The following EDRF1 variants were observed in gnomAD, a reference collection of about 807,000 sequenced individuals.
The protein encoded by EDRF1 is erythroid differentiation regulatory factor 1.
Under a neutral mutation model 148.7 loss-of-function variants are expected in EDRF1, and 69 were observed. That is an observed-to-expected ratio of 0.46 (90% CI 0.38 to 0.57). The LOEUF is 0.57. Ranked by LOEUF, EDRF1 falls within the 20% of genes least tolerant of loss-of-function variation. EDRF1 has a pLI of 0.00. For missense variants in EDRF1, 1,118 were observed against 1,478.7 expected, an observed-to-expected ratio of 0.76 and a Z score of 4.00; for synonymous variants, 515 against 532.8, an observed-to-expected ratio of 0.97 and a Z score of 0.46.
At chr10:125,747,392 TCA>T in intron 19 of EDRF1, 142 bp from the exon 20 acceptor site, 1 of 944,972 alleles carries the variant, frequency 1.1e-6, no homozygotes, top group Admixed American at 2.1e-5. Flanking sequence ...CTTACTTTTT[TCA>T]TTTCCTCATA....
intron 24 of EDRF1, among the ~76,000 whole-genome samples, chr10:125,760,020 G>A (rs995153990): frequency 1.3e-5 from 2 of 152,192 alleles, no homozygotes; most frequent in Non-Finnish European, 2.9e-5. Flanking sequence ...TTATTTGGTT[G>A]TTAATCCACA....
At chr10:125,739,106 A>G (rs1848883418) in intron 15 of EDRF1, among the ~76,000 whole-genome samples, 2 of 151,882 alleles carry the variant, frequency 1.3e-5, no homozygotes, top group Admixed American at 1.3e-4. Context: ...CCCCTTTTAA[A>G]TCAGTTTCAA....
At chr10:125,751,404 G>GTTTTTTTTTTTTTTTT (rs60964364) in intron 22 of EDRF1, among the ~76,000 whole-genome samples, 10 of 140,702 alleles carry the variant, frequency 7.1e-5, no homozygotes, top group Non-Finnish European at 1.1e-4. Context: ...TTTACCCAGT[G>GTTTTTTTTTTTTTTTT]TTTTTTTTTT....
chr10:125,730,836 T>TA (rs1295014782), intron 9 of EDRF1, among the ~76,000 whole-genome samples: 1 of 152,218 alleles, frequency 6.6e-6, no homozygotes. Context: ...AGAAGACACG[T>TA]ATCCCCATTA....
intron 22 of EDRF1, among the ~76,000 whole-genome samples, chr10:125,752,309 G>A (rs535751688): frequency 3.3e-5 from 5 of 152,340 alleles, no homozygotes; most frequent in African/African-American, 1.2e-4. Flanking sequence ...AGGAGCAAAG[G>A]TGTCCTGTAG....
At chr10:125,761,772 G>A (rs956579817) in intron 24 of EDRF1, among the ~76,000 whole-genome samples, 13 of 152,196 alleles carry the variant, frequency 8.5e-5, no homozygotes, top group Admixed American at 5.9e-4. Flanking sequence ...GATCCCTGCA[G>A]CCATCAATTA....
chr10:125,743,244 A>G lies in EDRF1; in HGVS notation c.2558A>G (p.Asn853Ser). 6.2e-7 allele frequency: 1 copy of G among 1,613,796 alleles called. No individual in the cohort carries two copies. Residue 853 changes from asparagine (N) to serine (S), a missense_variant, in exon 18 of 25, where the codon AAT becomes AGT. Transcript: ENST00000356792. ...AATGAAATTGGTGTGTTTTACATGA[A>G]TCAGGCTGCTGCATTACAGAGTGAG... ...IRNEIGVFYM[N>S]QAAALQSERL...
intron 24 of EDRF1, among the ~76,000 whole-genome samples, chr10:125,762,287 A>G (rs1457671514): frequency 6.6e-6 from 1 of 152,190 alleles, no homozygotes; most frequent in African/African-American, 2.4e-5. Context: ...ATTGGAAAAC[A>G]TGACATTTTG....
rs1256500557 is a variant in EDRF1 at position 125,719,849 on chromosome 10, CG to C, written c.46del (p.Ala16ProfsTer32). 6.2e-7 allele frequency: 1 copy of C among 1,612,216 alleles called. No homozygotes were observed. ...KEAGAEGPPA[G>X]AAARGGLSLL... ...AGGCCGGAGCCGAGGGTCCGCCGGC[CG>C]GGGCCGCCGCTCGAGGAGGGCTCAG... is the stretch of plus-strand genomic sequence containing the variant. On this transcript the variant is annotated frameshift_variant, in exon 1 of 25. Transcript: ENST00000356792. LOFTEE classifies it high-confidence loss of function.
At chr10:125,739,503 T>C (rs1848904884) in intron 15 of EDRF1, among the ~76,000 whole-genome samples, 1 of 152,238 alleles carries the variant, frequency 6.6e-6, no homozygotes, top group African/African-American at 2.4e-5. Flanking sequence ...TAAATGGTTT[T>C]ACACACACAT....
rs2133743499 is a variant in EDRF1 at position 125,747,897 on chromosome 10, C to T, written c.3008C>T (p.Ser1003Phe). The T allele has an allele frequency of 6.2e-7, 1 of 1,614,128 alleles. No individual in the cohort carries two copies. Residue 1003 changes from serine to phenylalanine, a missense_variant, in exon 21 of 25, where the codon TCC becomes TTC. Ser to Phe is a radical substitution (Grantham distance 155). Coordinates refer to ENST00000356792, the MANE Select transcript of EDRF1 (RefSeq NM_001202438.2). ...EKEVSEAMMK[S>F]LKYCDVDSVS... ...GAAGTCAGTGAGGCCATGATGAAGTCCCTAAAATACTGCGATGTGGATTCA... is the reference window on the plus strand; with the variant it reads ...GAAGTCAGTGAGGCCATGATGAAGTTCCTAAAATACTGCGATGTGGATTCA...
intron 9 of EDRF1, among the ~76,000 whole-genome samples, chr10:125,731,101 C>T (rs1277220830): frequency 5.3e-5 from 8 of 152,046 alleles, no homozygotes; most frequent in African/African-American, 1.7e-4. Flanking sequence ...GAGCTATGAT[C>T]GTGCCACTGC....
At chr10:125,735,029 G>A (rs1293648727) in intron 12 of EDRF1, among the ~76,000 whole-genome samples, 1 of 152,130 alleles carries the variant, frequency 6.6e-6, no homozygotes, top group South Asian at 2.1e-4. Flanking sequence ...TGACTGAGGT[G>A]GCAGTGTTTA....
Position 125,753,789 on chromosome 10 carries a change from G to A in EDRF1, c.3489G>A (p.Leu1163=), listed in dbSNP as rs781624428. 14 of 1,613,790 alleles carry A rather than the reference G, an allele frequency of 8.7e-6. No homozygotes were observed. Among genetic ancestry groups the A allele is most frequent in the Non-Finnish European group, 1.2e-5 (14 of 1,179,978 alleles). Reference sequence around the variant, plus strand: ...TCCTCAGTATATTTGAGTCTCGGTTGTCATTTCTTCTCCTTCAGTCCATTA... The same window carrying A: ...TCCTCAGTATATTTGAGTCTCGGTTATCATTTCTTCTCCTTCAGTCCATTA... The part of the protein sequence containing the change: ...MKLLSIFESR[L]SFLLLQSIKL... The change falls in exon 24 of 25, where the codon TTG becomes TTA. Residue 1163 remains leucine (L), a synonymous_variant. Coordinates refer to ENST00000356792, the MANE Select transcript of EDRF1 (RefSeq NM_001202438.2).
Position 125,763,459 on chromosome 10 carries a change from A to G in EDRF1, c.3704A>G (p.Asn1235Ser), listed in dbSNP as rs371696015. 3.6e-5 allele frequency: 58 copies of G among 1,607,646 alleles called. No homozygotes were observed. The African/African-American group carries it at 4.7e-4, about 13-fold the overall frequency. Reference protein sequence around the residue: ...QLAAGSAASSNAVQ With the variant: ...QLAAGSAASSSAVQ ...GCCGCCGGCAGTGCAGCGAGCAGCA[A>G]TGCCGTTCAGTGACTGCACAGAGCC... Residue 1235 changes from asparagine to serine, a missense_variant, in exon 25 of 25, where the codon AAT becomes AGT. By Grantham distance (46) the Asn-to-Ser change is conservative (BLOSUM62 1). Transcript: ENST00000356792. This position sits in a 1 kb window ranked among gnomAD's most constrained non-coding sequence, Gnocchi z 4.3.
rs1272419180 is a variant in EDRF1 at position 125,728,938 on chromosome 10, A to T, written c.793-65A>T. ...CTTTGAATATTTAGGTGATACTCTC[A>T]AAAGTGGGTCAATTTTAAGAAATGT... On this transcript the variant is annotated intron_variant, in intron 6 of 24. Coordinates refer to ENST00000356792, the MANE Select transcript of EDRF1 (RefSeq NM_001202438.2). 2.3e-6 allele frequency: 3 copies of T among 1,305,518 alleles called. No homozygotes were observed. The African/African-American group carries it at 4.5e-5, about 19-fold the overall frequency. 80.9% of individuals were successfully genotyped at this position (1,305,518 alleles called of 1,614,324 possible).
Position 125,722,956 on chromosome 10 carries a change from A to G in EDRF1, c.318-112A>G, listed in dbSNP as rs1464359695. Reference sequence around the variant, plus strand: ...CACATCCTGGTTTCAGAGTTGTTAAAATGTGGAAAATGTGTATCCTAGAAG... The same window carrying G: ...CACATCCTGGTTTCAGAGTTGTTAAGATGTGGAAAATGTGTATCCTAGAAG... On this transcript the variant is annotated intron_variant, in intron 2 of 24. Transcript: ENST00000356792. 2.9e-5 allele frequency: 27 copies of G among 944,278 alleles called. No individual in the cohort carries two copies. The East Asian group carries it at 6.5e-4, about 23-fold the overall frequency. 58.5% of individuals were successfully genotyped at this position (944,278 alleles called of 1,614,324 possible).
rs748552701 is a variant in EDRF1, at chr10:125,719,964, C to T, written c.108+49C>T. ...CTGCCAGGGATGTGGGAGCGGAGGA[C>T]CCGCTCCACCGGGGAGGGATGCCAC... On this transcript the variant is annotated intron_variant, in intron 1 of 24. Coordinates refer to ENST00000356792, the MANE Select transcript of EDRF1 (RefSeq NM_001202438.2). 10 of 1,524,790 alleles carry T rather than the reference C, an allele frequency of 6.6e-6. No homozygotes were observed. The East Asian group carries it at 6.9e-5, about 10-fold the overall frequency. The allele number at this position is 1,524,790 out of a possible 1,614,324, so 94.5% of individuals were successfully genotyped here. A position where few individuals can be genotyped will look rare whatever the true frequency, so the allele number is the denominator to read the frequency against.
intron 14 of EDRF1, 131 bp from the exon 15 acceptor site, chr10:125,738,162 CAT>C (rs1848831078): frequency 7.2e-7 from 1 of 1,396,802 alleles, no homozygotes; most frequent in Non-Finnish European, 1.0e-6. Context: ...TCAGATCAAA[CAT>C]AGTTTTTGAA....
Sources: allele counts gnomAD v4.1 joint callset (sites outside exome capture counted in the v4.1 genomes callset), GRCh38; gene constraint gnomAD v4.1.1; non-coding constraint Gnocchi (gnomAD v3.1); transcripts MANE v1.5; gene names NCBI Gene and HGNC (gene_info 2026-07-23, HGNC 2026-07-21).